Variants in DIS3L2 observed in about 807,000 individuals in gnomAD.
The protein encoded by DIS3L2 is DIS3-like exonuclease 2.
Under a neutral mutation model 97.5 loss-of-function variants are expected in DIS3L2, and 34 were observed. The observed-to-expected ratio is 0.35, with a 90% CI of 0.27 to 0.46. DIS3L2 has a LOEUF of 0.46. Ranked by LOEUF, DIS3L2 falls within the 20% of genes least tolerant of loss-of-function variation. The probability of loss-of-function intolerance (pLI) is 1.00; values close to 1 mark genes in which losing one functional copy is unlikely to be tolerated. For missense variants in DIS3L2, 1,038 were observed against 1,146.0 expected, an observed-to-expected ratio of 0.91 and a Z score of 1.36; for synonymous variants, 435 against 445.2, an observed-to-expected ratio of 0.98 and a Z score of 0.29.
intron 13 of DIS3L2, among the ~76,000 whole-genome samples, chr2:232,342,587 C>T (rs1027853668): frequency 6.6e-6 from 1 of 152,250 alleles, no homozygotes; most frequent in Admixed American, 6.5e-5. Context: ...TCCAAGGCTT[C>T]TTGTACATTC....
chr2:232,158,867 AT>A (rs1690573491), intron 8 of DIS3L2, among the ~76,000 whole-genome samples: 1 of 152,312 alleles, frequency 6.6e-6, no homozygotes, highest in Admixed American at 6.5e-5. Context: ...AAAATTACTA[AT>A]TATTACCTGT....
rs1695931691 is a variant in DIS3L2 at position 232,335,994 on chromosome 2, G to A, written c.2496+120G>A. 7 of 1,528,782 alleles carry A rather than the reference G, an allele frequency of 4.6e-6. No individual in the cohort carries two copies. In the Admixed American group the frequency reaches 1.2e-4, roughly 26 times the overall value. 94.7% of individuals were successfully genotyped at this position (1,528,782 alleles called of 1,614,324 possible). A position where few individuals can be genotyped will look rare whatever the true frequency, so the allele number is the denominator to read the frequency against. Reference sequence around the variant, plus strand: ...CTCCCCCAGCACTGCAGCCTCCCGGGTGGGGTTTTAGGGCCCTCCCAGCTC... The same window carrying A: ...CTCCCCCAGCACTGCAGCCTCCCGGATGGGGTTTTAGGGCCCTCCCAGCTC... On this transcript the variant is annotated intron_variant, in intron 20 of 20. Coordinates refer to ENST00000325385, the MANE Select transcript of DIS3L2 (RefSeq NM_152383.5).
intron 15 of DIS3L2, among the ~76,000 whole-genome samples, chr2:232,330,462 G>T (rs775901452): frequency 6.6e-6 from 1 of 152,180 alleles, no homozygotes; most frequent in African/African-American, 2.4e-5. Flanking sequence ...CCAGGCCAGA[G>T]AGCTGGAGCC....
At chr2:232,301,297 G>T (rs12467219) in intron 14 of DIS3L2, among the ~76,000 whole-genome samples, 1 of 152,050 alleles carries the variant, frequency 6.6e-6, no homozygotes, top group Non-Finnish European at 1.5e-5. Context: ...CAAGTGACCC[G>T]TATTTTTACT....
In DIS3L2 at chr2:232,148,748, CTTT is replaced by C. The variant is rs34837114; in HGVS notation, c.950+12051_950+12053del. 8.4e-3 allele frequency among the ~76,000 whole-genome samples: 826 copies of C among 98,884 alleles called. 9 individuals are homozygous for C. Among genetic ancestry groups the C allele is most frequent in the African/African-American group, 0.029 (757 of 25,768 alleles). 64.9% of individuals were successfully genotyped at this position (98,884 alleles called of 152,430 possible). ...ATTTTTTTTCTCCTTAATTTTCTTT[CTTT>C]TTTTTTTTTTTTTTTTTTTTTACAC... On this transcript the variant is annotated intron_variant, in intron 8 of 20. Coordinates refer to ENST00000325385, the MANE Select transcript of DIS3L2 (RefSeq NM_152383.5).
intron 6 of DIS3L2, among the ~76,000 whole-genome samples, chr2:232,126,780 A>G (rs551752583): frequency 1.6e-4 from 24 of 152,184 alleles, no homozygotes; most frequent in Non-Finnish European, 3.5e-4. Context: ...CCATTCTACC[A>G]GCGTTATTTC....
exon 14 of DIS3L2, chr2:232,344,089 A>G (rs1212640029): frequency 2.0e-5 from 3 of 152,838 alleles, no homozygotes; most frequent in African/African-American, 7.2e-5. Context: ...AGCGTGTCAC[A>G]TACCTGATTC....
intron 13 of DIS3L2, 99 bp downstream of exon 13, chr2:232,263,539 C>T (rs1162626584): frequency 1.7e-6 from 2 of 1,180,878 alleles, no homozygotes; most frequent in Admixed American, 2.1e-5. Flanking sequence ...TTCCTTCCTT[C>T]TCTTTGCTCC....
At position 232,108,995 on chromosome 2, in the gene DIS3L2, T is replaced by C. The variant is rs557332521; in HGVS notation, c.601+21274T>C. 1.4e-4 allele frequency among the ~76,000 whole-genome samples: 22 copies of C among 152,372 alleles called. No individual in the cohort carries two copies. In the South Asian group the frequency reaches 1.4e-3, roughly 10 times the overall value. The stretch of plus-strand genomic sequence containing the variant: ...TGACCATACTGCCCAAAACAATTTT[T>C]AGATTAAATGCTATTCCCATTAAAC... On this transcript the variant is annotated intron_variant, in intron 6 of 20. Transcript: ENST00000325385.
downstream of DIS3L2, among the ~76,000 whole-genome samples, chr2:232,339,154 T>C (rs2106360079): frequency 6.6e-6 from 1 of 152,332 alleles, no homozygotes; most frequent in East Asian, 1.9e-4. Flanking sequence ...GGGGAGAGAC[T>C]GACGCCTCCC....
At chr2:232,321,206 G>A (rs1407924910) in intron 14 of DIS3L2, among the ~76,000 whole-genome samples, 2 of 152,170 alleles carry the variant, frequency 1.3e-5, no homozygotes, top group Non-Finnish European at 2.9e-5. Context: ...GCCAGGGAGT[G>A]TGACAACCAA....
At chr2:232,051,601 A>G (rs1695402632) in intron 5 of DIS3L2, among the ~76,000 whole-genome samples, 2 of 151,762 alleles carry the variant, frequency 1.3e-5, no homozygotes, top group African/African-American at 2.4e-5. Flanking sequence ...TCACGAGGTC[A>G]GGAGATCGAG....
chr2:231,970,121 G>T (rs1321529656), intron 1 of DIS3L2, among the ~76,000 whole-genome samples: 9 of 151,670 alleles, frequency 5.9e-5, no homozygotes, highest in African/African-American at 2.4e-5. Flanking sequence ...TTGTTTGTTT[G>T]TTTTTTAGTA....
chr2:232,044,780 A>C (rs1695194359), intron 5 of DIS3L2, among the ~76,000 whole-genome samples: 1 of 152,106 alleles, frequency 6.6e-6, no homozygotes, highest in African/African-American at 2.4e-5. Context: ...CCAGGAAAGG[A>C]TGCTGTGGAG....
intron 6 of DIS3L2, among the ~76,000 whole-genome samples, chr2:232,089,689 A>G (rs920272426): frequency 1.3e-5 from 2 of 152,208 alleles, no homozygotes; most frequent in Non-Finnish European, 2.9e-5. Context: ...AGCTCTGGTG[A>G]TAGGCTTGGC....
At chr2:232,287,668 A>G (rs570295188) in intron 13 of DIS3L2, among the ~76,000 whole-genome samples, 7 of 152,204 alleles carry the variant, frequency 4.6e-5, no homozygotes, top group Non-Finnish European at 7.4e-5. Flanking sequence ...CTGTGATTAC[A>G]GACGTGAGCC....
At chr2:231,965,937 A>G (rs1202453289) in intron 1 of DIS3L2, among the ~76,000 whole-genome samples, 2 of 151,518 alleles carry the variant, frequency 1.3e-5, no homozygotes, top group East Asian at 3.9e-4. Flanking sequence ...TCCTGCTTCA[A>G]CCTCCCGAAG....
chr2:232,071,102 T>C (rs1428833901), intron 5 of DIS3L2, among the ~76,000 whole-genome samples: 1 of 152,204 alleles, frequency 6.6e-6, no homozygotes, highest in Non-Finnish European at 1.5e-5. Context: ...AATCTATTTT[T>C]CTTTTTTTTC....
In DIS3L2 at chr2:232,276,303, G is replaced by T. The variant is rs185835556; in HGVS notation, c.1659+12863G>T. Among the ~76,000 whole-genome samples, 3 of 152,222 alleles carry T rather than the reference G, an allele frequency of 2.0e-5. No individual in the cohort carries two copies. The highest frequency in any genetic ancestry group is 4.4e-5 in the Non-Finnish European group (3 of 68,040). On this transcript the variant is annotated intron_variant, in intron 13 of 20. Coordinates refer to ENST00000325385, the MANE Select transcript of DIS3L2 (RefSeq NM_152383.5). The surrounding 1 kb of genome is among the most constrained non-coding windows in gnomAD (Gnocchi z 4.4). The stretch of plus-strand genomic sequence containing the variant: ...GATTTGCTACTGTCAGTTTCGACCC[G>T]TAAATAACAGGGCGCTCTCCCCTTT...
Sources: allele counts gnomAD v4.1 joint callset (sites outside exome capture counted in the v4.1 genomes callset), GRCh38; gene constraint gnomAD v4.1.1; non-coding constraint Gnocchi (gnomAD v3.1); transcripts MANE v1.5; gene names NCBI Gene and HGNC (gene_info 2026-07-23, HGNC 2026-07-21).